Variants in AKR1B15 observed in about 807,000 individuals in gnomAD.
AKR1B15 encodes the protein estradiol 17-beta-dehydrogenase AKR1B15.
AKR1B15 carries 49 observed loss-of-function variants against 38.5 expected under a neutral mutation model. The observed-to-expected ratio is 1.27, with a 90% confidence interval of 1.01 to 1.62. AKR1B15 has a LOEUF of 1.62. Ranked by LOEUF, AKR1B15 falls within the 40% of genes most tolerant of loss-of-function variation. The pLI, the probability that AKR1B15 is intolerant of heterozygous loss-of-function variation, is 0.00. For missense variants in AKR1B15, 411 were observed against 381.6 expected, an observed-to-expected ratio of 1.08 and a Z score of -0.64; for synonymous variants, 137 against 135.5, an observed-to-expected ratio of 1.01 and a Z score of -0.08.
At chr7:134,578,393 AGGT>A (rs1460738624) in intron 11 of AKR1B15, among the ~76,000 whole-genome samples, 1 of 152,152 alleles carries the variant, frequency 6.6e-6, no homozygotes, top group Non-Finnish European at 1.5e-5. Flanking sequence ...AAAGTCCCTG[AGGT>A]GGGATTGTGT....
chr7:134,567,449 A>G (rs957625646), intron 3 of AKR1B15, among the ~76,000 whole-genome samples: 1 of 151,970 alleles, frequency 6.6e-6, no homozygotes, highest in Non-Finnish European at 1.5e-5. Flanking sequence ...TGATCATTGT[A>G]TAATGGACGG....
At chr7:134,578,517 A>C (rs1335529080) in intron 11 of AKR1B15, among the ~76,000 whole-genome samples, 2 of 152,226 alleles carry the variant, frequency 1.3e-5, no homozygotes, top group Non-Finnish European at 2.9e-5. Flanking sequence ...TTGTTGAAAA[A>C]AAGTCTTTCA....
chr7:134,573,306 C>T, intron 6 of AKR1B15: 2 of 936,964 alleles, frequency 2.1e-6, no homozygotes, highest in African/African-American at 1.8e-5. Context: ...GTTCAGATTA[C>T]AGGCGTGAGC....
At chr7:134,557,185 G>A (rs1794226790) in intron 2 of AKR1B15, among the ~76,000 whole-genome samples, 1 of 152,164 alleles carries the variant, frequency 6.6e-6, no homozygotes, top group African/African-American at 2.4e-5. Context: ...CTAATTACTG[G>A]GTTGGCGGGA....
In AKR1B15 at chr7:134,577,194, C is replaced by G. The variant is rs41274191; in HGVS notation, c.909+148C>G. On this transcript the variant is annotated intron_variant, in intron 10 of 11. Transcript: ENST00000457545. ...TCATTTTCCAGCCCAGGGAGCTAGG[C>G]TCGGTAGAGCTGAGATGAATGACCC... The G allele has an allele frequency of 1.1e-4, 95 of 831,012 alleles. No homozygotes were observed. The Middle Eastern group carries it at 3.3e-3, about 29-fold the overall frequency. The allele number at this position is 831,012 out of a possible 1,614,324, so 51.5% of individuals were successfully genotyped here.
At chr7:134,560,228 G>A (rs368454492) in intron 2 of AKR1B15, among the ~76,000 whole-genome samples, 3 of 152,278 alleles carry the variant, frequency 2.0e-5, no homozygotes, top group African/African-American at 7.2e-5. Context: ...AATAGAAGGT[G>A]ACAGAAGTGA....
chr7:134,565,438 T>A, intron 3 of AKR1B15: 2 of 1,611,408 alleles, frequency 1.2e-6, no homozygotes, highest in Non-Finnish European at 1.7e-6. Flanking sequence ...CAGCAGGACG[T>A]GAGACTTCTA....
intron 3 of AKR1B15, among the ~76,000 whole-genome samples, chr7:134,567,232 G>T (rs1456356598): frequency 6.6e-6 from 1 of 152,212 alleles, no homozygotes; most frequent in Non-Finnish European, 1.5e-5. Context: ...TTTTGTGAGA[G>T]ATCAAGTTTT....
At chr7:134,558,896 C>T (rs556614608) in intron 2 of AKR1B15, among the ~76,000 whole-genome samples, 2 of 152,142 alleles carry the variant, frequency 1.3e-5, no homozygotes, top group Non-Finnish European at 2.9e-5. Context: ...ACCATGTTCT[C>T]ATCCAAGGGT....
intron 2 of AKR1B15, among the ~76,000 whole-genome samples, chr7:134,561,995 T>C (rs192846116): frequency 2.1e-3 from 316 of 152,342 alleles, no homozygotes; most frequent in Non-Finnish European, 3.2e-3. Flanking sequence ...GCTTTCTCTC[T>C]TTCTTTTACA....
intron 2 of AKR1B15, among the ~76,000 whole-genome samples, chr7:134,559,892 A>G (rs1352419301): frequency 2.0e-5 from 3 of 152,072 alleles, no homozygotes; most frequent in African/African-American, 7.2e-5. Flanking sequence ...GGCAGATCCC[A>G]AGGTCAGGAG....
intron 4 of AKR1B15, 59 bp from the exon 5 acceptor site, chr7:134,569,354 A>T: frequency 6.3e-7 from 1 of 1,583,270 alleles, no homozygotes; most frequent in African/African-American, 1.3e-5. Context: ...AGGGACAATG[A>T]GTATAATGTG....
At chr7:134,563,067 T>C (rs1196786136) in intron 2 of AKR1B15, among the ~76,000 whole-genome samples, 2 of 151,988 alleles carry the variant, frequency 1.3e-5, no homozygotes, top group Non-Finnish European at 2.9e-5. Flanking sequence ...CTTTGGGCTG[T>C]GTTGAATTTG....
rs1431983060 is a variant in AKR1B15, at chr7:134,579,723, G to A, written c.*174G>A. 2 of 538,166 alleles carry A rather than the reference G, an allele frequency of 3.7e-6. No individual in the cohort carries two copies. The highest frequency in any genetic ancestry group is 2.0e-5 in the African/African-American group (1 of 50,642). 33.3% of individuals were successfully genotyped at this position (538,166 alleles called of 1,614,324 possible). ...ACATGTATTTCTGTATGTTCAACTA[G>A]GATAAGAATATCACAGAAAAGCATG... On this transcript the variant is annotated 3_prime_UTR_variant, in exon 12 of 12. Coordinates refer to ENST00000457545, the MANE Select transcript of AKR1B15 (RefSeq NM_001080538.3).
At chr7:134,562,213 T>G (rs1449096489) in intron 2 of AKR1B15, among the ~76,000 whole-genome samples, 3 of 152,174 alleles carry the variant, frequency 2.0e-5, no homozygotes, top group Non-Finnish European at 4.4e-5. Flanking sequence ...ACCTTCACAG[T>G]GAGTGTTACA....
intron 6 of AKR1B15, among the ~76,000 whole-genome samples, chr7:134,572,300 G>A (rs1172239365): frequency 1.3e-5 from 2 of 152,162 alleles, no homozygotes; most frequent in East Asian, 1.9e-4. Context: ...TGAATTGCAA[G>A]TCCAACCACC....
At chr7:134,574,486 C>A (rs1266316834) in intron 6 of AKR1B15, among the ~76,000 whole-genome samples, 1 of 152,138 alleles carries the variant, frequency 6.6e-6, no homozygotes, top group Non-Finnish European at 1.5e-5. Flanking sequence ...TCTGTCTATG[C>A]CACTGTCATG....
intron 1 of AKR1B15, among the ~76,000 whole-genome samples, chr7:134,553,409 A>C (rs1794063347): frequency 6.6e-6 from 1 of 152,186 alleles, no homozygotes; most frequent in African/African-American, 2.4e-5. Flanking sequence ...GAGTCGCTAA[A>C]GGGGTACTTA....
At chr7:134,562,276 G>C (rs565021313) in intron 2 of AKR1B15, among the ~76,000 whole-genome samples, 2 of 152,146 alleles carry the variant, frequency 1.3e-5, no homozygotes, top group African/African-American at 2.4e-5. Context: ...GATTTATTTT[G>C]AACAGCGGAA....
Sources: gnomAD v4.1 joint callset for allele counts (sites outside exome capture counted in the v4.1 genomes callset) on GRCh38, gnomAD v4.1.1 for gene constraint, MANE v1.5 for transcripts, NCBI Gene and HGNC (gene_info 2026-07-23, HGNC 2026-07-21) for gene names.